Variants in LRP1B observed in about 807,000 individuals in gnomAD.
LRP1B encodes the protein LDL receptor related protein 1B, also known as low-density lipoprotein receptor-related protein 1B.
LRP1B carries 217 observed loss-of-function variants against 556.6 expected under a neutral mutation model. That is an observed-to-expected ratio of 0.39 (90% CI 0.35 to 0.44). The LOEUF is 0.44. Ranked by LOEUF, LRP1B falls within the 20% of genes least tolerant of loss-of-function variation. The pLI, the probability that LRP1B is intolerant of heterozygous loss-of-function variation, is 1.00. For missense variants in LRP1B, 5,053 were observed against 5,620.8 expected, an observed-to-expected ratio of 0.90 and a Z score of 3.23; for synonymous variants, 2,047 against 1,865.8, an observed-to-expected ratio of 1.10 and a Z score of -2.50.
chr2:141,800,749 AG>A (rs1158796147), intron 2 of LRP1B, among the ~76,000 whole-genome samples: 2 of 152,216 alleles, frequency 1.3e-5, no homozygotes, highest in Non-Finnish European at 2.9e-5. Flanking sequence ...GAATAGATAA[AG>A]TGAGAAAAAA....
intron 2 of LRP1B, among the ~76,000 whole-genome samples, chr2:141,754,763 C>T (rs1033315296): frequency 2.0e-5 from 3 of 151,950 alleles, no homozygotes; most frequent in African/African-American, 7.3e-5. Flanking sequence ...ATGCAATTGC[C>T]TTTTTTCCTC....
At chr2:141,535,118 T>A (rs1685027841) in intron 2 of LRP1B, among the ~76,000 whole-genome samples, 1 of 152,164 alleles carries the variant, frequency 6.6e-6, no homozygotes, top group Non-Finnish European at 1.5e-5. Flanking sequence ...AACAATTATC[T>A]GACTGCTCTA....
intron 41 of LRP1B, among the ~76,000 whole-genome samples, chr2:140,696,110 A>C (rs941817999): frequency 1.4e-4 from 22 of 152,212 alleles, no homozygotes; most frequent in Non-Finnish European, 4.4e-5. Context: ...TTGGGTAACA[A>C]GTTAGAGATA....
intron 6 of LRP1B, among the ~76,000 whole-genome samples, chr2:141,201,258 G>A (rs539765019): frequency 2.6e-5 from 4 of 152,274 alleles, no homozygotes; most frequent in South Asian, 4.1e-4. Flanking sequence ...TCAAAATAAT[G>A]TTCTGACAAA....
chr2:140,614,496 C>G (rs1466252401), intron 41 of LRP1B, among the ~76,000 whole-genome samples: 1 of 151,966 alleles, frequency 6.6e-6, no homozygotes, highest in African/African-American at 2.4e-5. Flanking sequence ...AAAGAATATT[C>G]AGGGAAAAAT....
At chr2:141,272,243 A>G (rs1034039260) in intron 3 of LRP1B, among the ~76,000 whole-genome samples, 4 of 152,112 alleles carry the variant, frequency 2.6e-5, no homozygotes, top group African/African-American at 9.6e-5. Context: ...TAAAAGTAGT[A>G]TAAATCTGAA....
At chr2:141,203,900 T>A (rs1300510675) in intron 6 of LRP1B, among the ~76,000 whole-genome samples, 1 of 152,074 alleles carries the variant, frequency 6.6e-6, no homozygotes, top group East Asian at 1.9e-4. Context: ...CACAACTACA[T>A]GGAAACTGAA....
intron 43 of LRP1B, among the ~76,000 whole-genome samples, chr2:140,587,860 T>C (rs78721557): frequency 0.025 from 3,865 of 152,104 alleles, 163 homozygotes; most frequent in African/African-American, 0.085. Context: ...AAATGACATG[T>C]TACATAGAAG....
At chr2:141,125,203 A>G (rs1470681241) in intron 7 of LRP1B, among the ~76,000 whole-genome samples, 1 of 152,250 alleles carries the variant, frequency 6.6e-6, no homozygotes. Flanking sequence ...TTGAAGAAAC[A>G]GGATTAAAAA....
At chr2:141,917,144 G>A (rs945484064) in intron 1 of LRP1B, among the ~76,000 whole-genome samples, 16 of 152,146 alleles carry the variant, frequency 1.1e-4, no homozygotes, top group African/African-American at 3.6e-4. Flanking sequence ...AAATGTACTC[G>A]AAAGAGATAA....
chr2:141,266,943 A>G (rs376077182), intron 3 of LRP1B, among the ~76,000 whole-genome samples: 1 of 152,202 alleles, frequency 6.6e-6, no homozygotes, highest in South Asian at 2.1e-4. Flanking sequence ...TTACTTTAGC[A>G]TAATCTATAA....
rs189789644 is a variant in LRP1B at position 141,003,820 on chromosome 2, A to C, written c.2503+1515T>G. ...ACTAATACAAATCACAAACTGTATT[A>C]CAAAATGCCACATCCATACCAGTGT... On this transcript the variant is annotated intron_variant, in intron 15 of 90. Transcript: ENST00000389484. 3.5e-4 allele frequency among the ~76,000 whole-genome samples: 54 copies of C among 152,232 alleles called. No homozygotes were observed. In the East Asian group the frequency reaches 9.7e-3, roughly 27 times the overall value.
intron 83 of LRP1B, among the ~76,000 whole-genome samples, chr2:140,298,876 T>C (rs771070367): frequency 3.3e-5 from 5 of 152,032 alleles, no homozygotes; most frequent in Non-Finnish European, 5.9e-5. Flanking sequence ...GAAAACAAAA[T>C]GAATGGATAT....
intron 58 of LRP1B, among the ~76,000 whole-genome samples, chr2:140,486,623 ATGTAT>A (rs1327650775): frequency 1.3e-5 from 2 of 152,014 alleles, no homozygotes; most frequent in East Asian, 1.9e-4. Flanking sequence ...AAAATTTTTA[ATGTAT>A]TGTAATGAAA....
At chr2:140,247,391 ATTTTACT>A (rs1451761577) in intron 86 of LRP1B, among the ~76,000 whole-genome samples, 1 of 151,580 alleles carries the variant, frequency 6.6e-6, no homozygotes, top group East Asian at 1.9e-4. Flanking sequence ...ATTTATAGAC[ATTTTACT>A]TATTCTGTGT....
intron 7 of LRP1B, among the ~76,000 whole-genome samples, chr2:141,150,780 C>A (rs145919258): frequency 6.6e-6 from 1 of 151,816 alleles, no homozygotes; most frequent in East Asian, 1.9e-4. Flanking sequence ...CCTTTGCCTT[C>A]CAACAGTGAA....
intron 2 of LRP1B, among the ~76,000 whole-genome samples, chr2:141,623,701 TTA>T (rs1227409947): frequency 6.8e-6 from 1 of 147,940 alleles, no homozygotes; most frequent in African/African-American, 2.5e-5. Context: ...TAGAGACATG[TTA>T]TGACCTCTAA....
intron 1 of LRP1B, among the ~76,000 whole-genome samples, chr2:142,009,653 C>T (rs751688531): frequency 1.3e-5 from 2 of 152,138 alleles, no homozygotes; most frequent in Non-Finnish European, 2.9e-5. Context: ...GTCTGTAAGA[C>T]ATTACAAAAT....
chr2:141,298,854 T>C (rs1022557821), intron 3 of LRP1B, among the ~76,000 whole-genome samples: 1 of 150,752 alleles, frequency 6.6e-6, no homozygotes, highest in African/African-American at 2.4e-5. Context: ...CTTGGGAGGC[T>C]GAAGCAGGAG....
Sources: allele counts gnomAD v4.1 joint callset (sites outside exome capture counted in the v4.1 genomes callset), GRCh38; gene constraint gnomAD v4.1.1; transcripts MANE v1.5; gene names NCBI Gene and HGNC (gene_info 2026-07-23, HGNC 2026-07-21).